INPP5B: variants seen among roughly 807,000 people sequenced by gnomAD.
INPP5B encodes the protein type II inositol 1,4,5-trisphosphate 5-phosphatase.
INPP5B carries 90 observed loss-of-function variants against 118.5 expected under a neutral mutation model. The ratio of observed to expected loss-of-function variants is 0.76; its 90% confidence interval spans 0.64 to 0.90. The LOEUF (loss-of-function observed/expected upper bound fraction) is 0.90. Among genes scored for constraint, INPP5B ranks in the 40% least tolerant of loss-of-function variants. The pLI is 0.00. For missense variants in INPP5B, 984 were observed against 1,125.6 expected (o/e 0.87, Z 1.80); for synonymous variants, 385 against 418.9 (o/e 0.92, Z 0.99).
chr1:37,913,328 G>A (rs1644763106), intron 7 of INPP5B, among the ~76,000 whole-genome samples: 1 of 147,724 alleles, frequency 6.8e-6, no homozygotes, highest in Admixed American at 6.7e-5. Context: ...AATCAATCTG[G>A]CCTGGTATAT....
chr1:37,871,623 C>T (rs1054585168), intron 19 of INPP5B, among the ~76,000 whole-genome samples: 2 of 151,820 alleles, frequency 1.3e-5, no homozygotes, highest in Admixed American at 1.3e-4. Context: ...CAAAAATTGG[C>T]TGGGTGCAGT....
At chr1:37,872,060 T>C (rs1642481156) in intron 19 of INPP5B, among the ~76,000 whole-genome samples, 1 of 51,284 alleles carries the variant, frequency 1.9e-5, no homozygotes, top group Non-Finnish European at 3.9e-5. Flanking sequence ...TGAGACTCCA[T>C]CTCAAAAAAA....
chr1:37,945,960 G>A, intron 2 of INPP5B, 110 bp from the exon 3 acceptor site: 1 of 969,754 alleles, frequency 1.0e-6, no homozygotes, highest in Non-Finnish European at 1.6e-6. Context: ...GTGTGGCCTT[G>A]GGTGAGCACT....
intron 18 of INPP5B, 59 bp from the exon 19 acceptor site, chr1:37,873,224 G>A: frequency 8.3e-7 from 1 of 1,210,520 alleles, no homozygotes; most frequent in Non-Finnish European, 1.2e-6. Flanking sequence ...AAAGGGGAAA[G>A]AAGGCAGGAG....
chr1:37,932,112 G>A (rs548093650), intron 6 of INPP5B, 59 bp from the exon 7 acceptor site: 9 of 1,480,164 alleles, frequency 6.1e-6, no homozygotes, highest in Middle Eastern at 1.8e-4. Context: ...GGCTCTGCAT[G>A]ATTGTATTAT....
At chr1:37,874,247 A>G (rs1642649936) in intron 17 of INPP5B, 92 bp from the exon 18 acceptor site, 1 of 888,896 alleles carries the variant, frequency 1.1e-6, no homozygotes, top group East Asian at 2.8e-5. Flanking sequence ...CCATGGAAAG[A>G]AAATGAACCA....
intron 7 of INPP5B, among the ~76,000 whole-genome samples, chr1:37,922,854 T>G (rs191514462): frequency 4.3e-4 from 66 of 152,350 alleles, no homozygotes; most frequent in African/African-American, 1.5e-3. Flanking sequence ...CCAGTTTAGC[T>G]TTCAAGGAGG....
intron 5 of INPP5B, among the ~76,000 whole-genome samples, chr1:37,941,093 G>T (rs1232941671): frequency 6.6e-6 from 1 of 152,008 alleles, no homozygotes; most frequent in Non-Finnish European, 1.5e-5. Flanking sequence ...TGTGTAGTCT[G>T]TTCCCCTCCC....
At chr1:37,885,962 G>GCTCC in intron 12 of INPP5B, 137 bp from the exon 13 acceptor site, 2 of 677,738 alleles carry the variant, frequency 3.0e-6, no homozygotes, top group Non-Finnish European at 5.1e-6. Context: ...GGTGGATCAT[G>GCTCC]AGGTCAGGAG....
chr1:37,928,277 G>A (rs931445726), intron 7 of INPP5B, among the ~76,000 whole-genome samples: 4 of 151,810 alleles, frequency 2.6e-5, no homozygotes, highest in Non-Finnish European at 4.4e-5. Context: ...GGGTTCAACT[G>A]ATTCTCCTGC....
chr1:37,919,221 G>C (rs1644972561), intron 7 of INPP5B, among the ~76,000 whole-genome samples: 1 of 152,184 alleles, frequency 6.6e-6, no homozygotes, highest in Admixed American at 6.6e-5. Flanking sequence ...GGATATGTGG[G>C]AGTGTGGCTG....
intron 7 of INPP5B, among the ~76,000 whole-genome samples, chr1:37,899,800 G>A (rs981902826): frequency 6.7e-6 from 1 of 149,162 alleles, no homozygotes; most frequent in African/African-American, 2.5e-5. Context: ...CTGAAGCTTC[G>A]CCTGCCGGGT....
intron 6 of INPP5B, among the ~76,000 whole-genome samples, chr1:37,937,195 C>A (rs1645730184): frequency 6.6e-6 from 1 of 151,770 alleles, no homozygotes; most frequent in Admixed American, 6.6e-5. Context: ...CCTGTAATCC[C>A]AGCTACTCAG....
intron 16 of INPP5B, among the ~76,000 whole-genome samples, chr1:37,876,583 G>A (rs1009601591): frequency 5.0e-5 from 7 of 139,238 alleles, no homozygotes; most frequent in African/African-American, 8.1e-5. Flanking sequence ...AAAAAAAAAG[G>A]GCCCGGTGGC....
intron 7 of INPP5B, among the ~76,000 whole-genome samples, chr1:37,909,692 C>T (rs548937459): frequency 6.6e-6 from 1 of 152,244 alleles, no homozygotes; most frequent in East Asian, 1.9e-4. Flanking sequence ...TTTTATTACC[C>T]AACCCACTCC....
rs1276141936 is a variant in INPP5B at position 37,891,388 on chromosome 1, C to T, written c.599G>A (p.Gly200Asp). 1.9e-6 allele frequency: 3 copies of T among 1,614,000 alleles called. No homozygotes were observed. Among genetic ancestry groups the T allele is most frequent in the Non-Finnish European group, 2.5e-6 (3 of 1,179,926 alleles). The change falls in exon 8 of 24, where the codon GGT becomes GAT. Residue 200 changes from glycine to aspartate, a missense_variant. By Grantham distance (94) the Gly-to-Asp change is moderately conservative. This residue lies in a region of INPP5B where 350 missense variants were observed against 334.6 expected (regional missense o/e 1.05). Transcript: ENST00000373024. Reference protein sequence around the residue: ...KGVPMDQSSRGQDKPESLQPR... With the variant: ...KGVPMDQSSRDQDKPESLQPR... ...TTGCAAGCTTTCTGGTTTATCTTGA[C>T]CCCTGGAGCTTTGGTCCATAGGCAC... is the stretch of plus-strand genomic sequence containing the variant.
chr1:37,882,319 C>T (rs1222289442), intron 14 of INPP5B, among the ~76,000 whole-genome samples: 1 of 152,054 alleles, frequency 6.6e-6, no homozygotes, highest in South Asian at 2.1e-4. Flanking sequence ...GAGAAGGAAA[C>T]GCTACGTCAA....
At chr1:37,932,715 T>G (rs146530081) in intron 6 of INPP5B, among the ~76,000 whole-genome samples, 35 of 152,216 alleles carry the variant, frequency 2.3e-4, no homozygotes, top group Middle Eastern at 3.4e-3. Flanking sequence ...AGAGGTTAAG[T>G]CTGAGGTCGC....
At chr1:37,880,315 A>C in intron 14 of INPP5B, 121 bp from the exon 15 acceptor site, 1 of 683,340 alleles carries the variant, frequency 1.5e-6, no homozygotes, top group Non-Finnish European at 2.5e-6. Flanking sequence ...GCCCCAAAAG[A>C]AAGTTATTCT....
Sources: allele counts gnomAD v4.1 joint callset (sites outside exome capture counted in the v4.1 genomes callset), GRCh38; gene constraint gnomAD v4.1.1; regional missense constraint gnomAD v4.1.1; transcripts MANE v1.5; gene names NCBI Gene and HGNC (gene_info 2026-07-23, HGNC 2026-07-21).